The following GRM1 variants were observed in gnomAD, a reference collection of about 807,000 sequenced individuals.
GRM1 encodes the protein glutamate metabotropic receptor 1.
A neutral mutation model predicts 90.9 loss-of-function variants in GRM1; 33 were observed. The ratio of observed to expected loss-of-function variants is 0.36; its 90% CI spans 0.28 to 0.49. The LOEUF (loss-of-function observed/expected upper bound fraction) is 0.49. Among genes scored for constraint, GRM1 ranks in the 20% least tolerant of loss-of-function variants. The probability of loss-of-function intolerance (pLI) is 0.99; values close to 1 mark genes in which losing one functional copy is unlikely to be tolerated. For synonymous variants in GRM1, 700 were observed against 613.2 expected, an observed-to-expected ratio of 1.14 and a Z score of -2.09; for missense variants, 1,190 against 1,534.3, an observed-to-expected ratio of 0.78 and a Z score of 3.75.
chr6:146,392,428 G>T (rs143079651), intron 6 of GRM1, among the ~76,000 whole-genome samples: 1 of 152,154 alleles, frequency 6.6e-6, no homozygotes, highest in Non-Finnish European at 1.5e-5. Flanking sequence ...TGTTACATGA[G>T]TGTCTTCTAC....
chr6:146,147,159 G>A (rs1562492249), intron 1 of GRM1, among the ~76,000 whole-genome samples: 1 of 152,174 alleles, frequency 6.6e-6, no homozygotes, highest in South Asian at 2.1e-4. Context: ...GCTATGCCCG[G>A]TCACTCCAAA....
rs59639089 is a variant in GRM1 at position 146,374,965 on chromosome 6, A to T, written c.1603-11925A>T. On this transcript the variant is annotated intron_variant, in intron 5 of 7. Transcript: ENST00000282753. The stretch of plus-strand genomic sequence containing the variant: ...CTTAAGATGCACTGTTAGATTGTTC[A>T]TTTAAAGTTTTTTTCTCTTTTTTGA... 0.014 allele frequency among the ~76,000 whole-genome samples: 2,098 copies of T among 151,830 alleles called. 78 individuals carry two copies. In the East Asian group the frequency reaches 0.15, roughly 11 times the overall value.
At chr6:146,134,702 G>C (rs1006489473) in intron 1 of GRM1, among the ~76,000 whole-genome samples, 1 of 152,066 alleles carries the variant, frequency 6.6e-6, no homozygotes, top group African/African-American at 2.4e-5. Flanking sequence ...AGGCCATGGC[G>C]GGTGGATCAT....
At chr6:146,117,162 T>TTTA (rs1562473590) in intron 1 of GRM1, among the ~76,000 whole-genome samples, 36 of 151,282 alleles carry the variant, frequency 2.4e-4, no homozygotes, top group African/African-American at 6.8e-4. Flanking sequence ...TTATTTATTT[T>TTTA]TTTTTTAGTT....
chr6:146,068,443 G>T (rs533228327), intron 1 of GRM1, among the ~76,000 whole-genome samples: 2 of 152,196 alleles, frequency 1.3e-5, no homozygotes, highest in African/African-American at 4.8e-5. Context: ...CTTTGTCATT[G>T]TGTTAAATTA....
At position 146,276,623 on chromosome 6, in the gene GRM1, C is replaced by A. The variant is rs200251012; in HGVS notation, c.951-27988C>A. 2.0e-5 allele frequency among the ~76,000 whole-genome samples: 3 copies of A among 152,160 alleles called. No homozygotes were observed. In the East Asian group the frequency reaches 5.8e-4, roughly 29 times the overall value. On this transcript the variant is annotated intron_variant, in intron 2 of 7. Transcript: ENST00000282753. The stretch of plus-strand genomic sequence containing the variant: ...TTAACAGGCAAAAGATGAAAGCTAT[C>A]AGTCTGTCAAGTCTAGACACCAGAA...
At chr6:146,344,986 T>G (rs944575248) in intron 3 of GRM1, among the ~76,000 whole-genome samples, 1 of 152,078 alleles carries the variant, frequency 6.6e-6, no homozygotes, top group African/African-American at 2.4e-5. Flanking sequence ...AAATTTTGTA[T>G]TTTTAGTAGA....
chr6:146,055,701 G>A (rs1418981020), intron 1 of GRM1, among the ~76,000 whole-genome samples: 2 of 152,092 alleles, frequency 1.3e-5, no homozygotes, highest in Non-Finnish European at 2.9e-5. Context: ...TCCCTCGGCA[G>A]CTGTAAAGTT....
chr6:146,319,851 A>C (rs1166483089), intron 3 of GRM1, among the ~76,000 whole-genome samples: 3 of 152,218 alleles, frequency 2.0e-5, no homozygotes, highest in African/African-American at 7.2e-5. Flanking sequence ...TTATCAGCTT[A>C]AGGAGTTTTT....
chr6:146,386,805 C>A, intron 5 of GRM1, 85 bp from the exon 6 acceptor site: 1 of 1,023,158 alleles, frequency 9.8e-7, no homozygotes, highest in South Asian at 1.3e-5. Context: ...TTTCTTTATT[C>A]ATAATCTGAA....
intron 3 of GRM1, among the ~76,000 whole-genome samples, chr6:146,332,256 T>C (rs1289109609): frequency 6.6e-6 from 1 of 152,188 alleles, no homozygotes; most frequent in Non-Finnish European, 1.5e-5. Context: ...ATAACAGTTA[T>C]GTAGGTCAGA....
At chr6:146,061,092 GC>G (rs767718334) in intron 1 of GRM1, among the ~76,000 whole-genome samples, 11 of 152,076 alleles carry the variant, frequency 7.2e-5, no homozygotes, top group Non-Finnish European at 1.3e-4. Flanking sequence ...GAATGCCGAG[GC>G]AGTAGAGCCA....
At chr6:146,162,268 A>T (rs903075355) in intron 2 of GRM1, among the ~76,000 whole-genome samples, 1 of 152,184 alleles carries the variant, frequency 6.6e-6, no homozygotes, top group Admixed American at 6.5e-5. Flanking sequence ...ACTTCTTTTC[A>T]TATAGTAAAT....
chr6:146,117,759 C>T (rs1775810503), intron 1 of GRM1, among the ~76,000 whole-genome samples: 2 of 152,084 alleles, frequency 1.3e-5, no homozygotes, highest in Admixed American at 6.6e-5. Context: ...ATAAGACCCC[C>T]CCATTTGCAC....
Position 146,159,462 on chromosome 6 carries a change from G to A in GRM1, c.815G>A (p.Arg272Gln), listed in dbSNP as rs2128890941. ...YSNAGEKSFD[R>Q]LLRKLRERLP... ...AACGCTGGGGAGAAGAGCTTTGACC[G>A]ACTCTTGCGCAAACTCCGAGAGAGG... The change falls in exon 2 of 8, where the codon CGA (arginine) becomes CAA (glutamine). Residue 272 changes from arginine (R) to glutamine (Q), a missense_variant. This residue lies in a region of GRM1 where 45 missense variants were observed against 45.5 expected (regional missense o/e 0.99). Transcript: ENST00000282753. 2 of 1,614,186 alleles carry A rather than the reference G, an allele frequency of 1.2e-6. No individual in the cohort carries two copies. Among genetic ancestry groups the A allele is most frequent in the East Asian group, 2.2e-5 (1 of 44,866 alleles).
intron 2 of GRM1, among the ~76,000 whole-genome samples, chr6:146,192,573 C>T (rs1778968187): frequency 6.6e-6 from 1 of 152,170 alleles, no homozygotes; most frequent in Non-Finnish European, 1.5e-5. Context: ...TTATCTCTCT[C>T]ATCCTCCTGT....
chr6:146,131,214 G>T (rs536473717), intron 1 of GRM1, among the ~76,000 whole-genome samples: 1 of 152,286 alleles, frequency 6.6e-6, no homozygotes, highest in South Asian at 2.1e-4. Context: ...AGTGGCTGAT[G>T]ATGAATTTGT....
At chr6:146,226,506 TG>T (rs1384084351) in intron 2 of GRM1, among the ~76,000 whole-genome samples, 1 of 152,300 alleles carries the variant, frequency 6.6e-6, no homozygotes, top group East Asian at 1.9e-4. Context: ...GATTTTCTGT[TG>T]CTTGCATATG....
At chr6:146,248,898 A>T (rs1237182399) in intron 2 of GRM1, among the ~76,000 whole-genome samples, 1 of 152,188 alleles carries the variant, frequency 6.6e-6, no homozygotes, top group East Asian at 1.9e-4. Flanking sequence ...ACTAGAGCAA[A>T]AGTCACTCTT....
Sources: gnomAD v4.1 joint callset for allele counts (sites outside exome capture counted in the v4.1 genomes callset) on GRCh38, gnomAD v4.1.1 for gene constraint, gnomAD v4.1.1 regional missense constraint, MANE v1.5 for transcripts, NCBI Gene and HGNC (gene_info 2026-07-23, HGNC 2026-07-21) for gene names.